Variants in PTPRD observed in about 807,000 individuals in gnomAD.
PTPRD encodes receptor-type tyrosine-protein phosphatase delta.
A neutral mutation model predicts 214.5 loss-of-function variants in PTPRD; 34 were observed. The observed-to-expected ratio is 0.16, with a 90% confidence interval of 0.12 to 0.21. The LOEUF (loss-of-function observed/expected upper bound fraction) is 0.21. Ranked by LOEUF, PTPRD falls within the 10% of genes least tolerant of loss-of-function variation. PTPRD has a pLI of 1.00. For synonymous variants in PTPRD, 1,128 were observed against 845.7 expected, an observed-to-expected ratio of 1.33 and a Z score of -5.79; for missense variants, 2,545 against 2,398.7, an observed-to-expected ratio of 1.06 and a Z score of -1.27.
chr9:9,863,397 T>C (rs1038456570), intron 5 of PTPRD, among the ~76,000 whole-genome samples: 1 of 152,218 alleles, frequency 6.6e-6, no homozygotes, highest in African/African-American at 2.4e-5. Flanking sequence ...AAATCAAGAA[T>C]GTAAGAGTGA....
intron 7 of PTPRD, among the ~76,000 whole-genome samples, chr9:9,613,299 A>T (rs2094641709): frequency 6.6e-6 from 1 of 151,940 alleles, no homozygotes; most frequent in Non-Finnish European, 1.5e-5. Flanking sequence ...GATAAATCTA[A>T]AAAACGTCAT....
At chr9:8,908,980 T>C (rs1007356767) in intron 11 of PTPRD, among the ~76,000 whole-genome samples, 21 of 150,200 alleles carry the variant, frequency 1.4e-4, no homozygotes, top group Admixed American at 1.3e-3. Context: ...TATAATTACA[T>C]ATGATATAAA....
chr9:9,655,748 C>T (rs2096495252), intron 7 of PTPRD, among the ~76,000 whole-genome samples: 1 of 149,972 alleles, frequency 6.7e-6, no homozygotes, highest in East Asian at 2.0e-4. Context: ...GAGGCAGAGG[C>T]GGGCAGATCA....
intron 2 of PTPRD, among the ~76,000 whole-genome samples, chr9:10,432,067 A>T (rs2098685206): frequency 6.6e-6 from 1 of 152,074 alleles, no homozygotes. Context: ...TGGATTAAGA[A>T]AATGTGGCAC....
At chr9:9,298,417 C>T (rs1953955953) in intron 9 of PTPRD, among the ~76,000 whole-genome samples, 2 of 151,706 alleles carry the variant, frequency 1.3e-5, no homozygotes, top group South Asian at 4.2e-4. Flanking sequence ...TTTAATTTCT[C>T]CTGTGAATTT....
At chr9:9,315,989 T>A (rs1962777362) in intron 9 of PTPRD, among the ~76,000 whole-genome samples, 1 of 151,910 alleles carries the variant, frequency 6.6e-6, no homozygotes, top group South Asian at 2.1e-4. Context: ...GATGTCCACA[T>A]AAACAAAATA....
chr9:10,195,360 G>C (rs1050442494), intron 3 of PTPRD, among the ~76,000 whole-genome samples: 2 of 151,998 alleles, frequency 1.3e-5, no homozygotes, highest in Non-Finnish European at 2.9e-5. Flanking sequence ...TGTTTTGTTA[G>C]AGACCCCAAT....
At position 9,268,222 on chromosome 9, in the gene PTPRD, G is replaced by A. The variant is rs1183874757; in HGVS notation, c.-202-84859C>T. ...AGCTTTGTTTCTGTATACTAAGAAT[G>A]AACTCTTAAGAAAAGAAATTAAGAA... On this transcript the variant is annotated intron_variant, in intron 9 of 45. Transcript: ENST00000381196. 6.6e-5 allele frequency among the ~76,000 whole-genome samples: 10 copies of A among 151,078 alleles called. No individual in the cohort carries two copies. The East Asian group carries it at 2.0e-3, about 30-fold the overall frequency.
intron 3 of PTPRD, among the ~76,000 whole-genome samples, chr9:10,176,908 T>C (rs1204780993): frequency 6.6e-6 from 1 of 152,006 alleles, no homozygotes; most frequent in Non-Finnish European, 1.5e-5. Context: ...CTGAAGCACA[T>C]TCTTATAAAA....
chr9:9,979,548 T>C (rs888342858), intron 4 of PTPRD, among the ~76,000 whole-genome samples: 3 of 152,086 alleles, frequency 2.0e-5, no homozygotes, highest in East Asian at 3.8e-4. Context: ...CAGTGATATA[T>C]ACAATTTAAA....
intron 7 of PTPRD, among the ~76,000 whole-genome samples, chr9:9,623,854 C>T (rs550962164): frequency 6.6e-6 from 1 of 152,278 alleles, no homozygotes; most frequent in South Asian, 2.1e-4. Context: ...TACAACTATT[C>T]TACAATATTT....
intron 3 of PTPRD, among the ~76,000 whole-genome samples, chr9:10,072,346 T>C (rs567927674): frequency 3.3e-5 from 5 of 152,148 alleles, no homozygotes; most frequent in East Asian, 1.9e-4. Context: ...AGTGAGTATA[T>C]AGTGTGTCCA....
At chr9:8,766,052 C>T (rs2094713668) in intron 11 of PTPRD, among the ~76,000 whole-genome samples, 1 of 151,958 alleles carries the variant, frequency 6.6e-6, no homozygotes. Flanking sequence ...CTTTAAGGCC[C>T]TCTTGGTGGA....
At chr9:9,891,927 T>C (rs2073468903) in intron 5 of PTPRD, among the ~76,000 whole-genome samples, 1 of 152,108 alleles carries the variant, frequency 6.6e-6, no homozygotes, top group South Asian at 2.1e-4. Context: ...CTAAAAGACA[T>C]CCCACATATT....
chr9:9,742,362 G>A (rs1229212163), intron 6 of PTPRD, among the ~76,000 whole-genome samples: 1 of 152,032 alleles, frequency 6.6e-6, no homozygotes, highest in Non-Finnish European at 1.5e-5. Flanking sequence ...AAAGAAATGT[G>A]ACCTTCACTT....
chr9:9,320,624 C>T (rs1966005619), intron 9 of PTPRD, among the ~76,000 whole-genome samples: 1 of 152,144 alleles, frequency 6.6e-6, no homozygotes, highest in African/African-American at 2.4e-5. Context: ...TGATCTCACA[C>T]TGCCTGGATT....
chr9:9,964,747 G>A (rs528296572), intron 4 of PTPRD, among the ~76,000 whole-genome samples: 2 of 152,076 alleles, frequency 1.3e-5, no homozygotes, highest in Admixed American at 1.3e-4. Context: ...TATCTCCATT[G>A]CTTATAACTT....
chr9:9,845,059 AATATAT>A (rs34254711), intron 5 of PTPRD, among the ~76,000 whole-genome samples: 1 of 96,724 alleles, frequency 1.0e-5, no homozygotes, highest in Admixed American at 1.2e-4. Flanking sequence ...TATATAGAGC[AATATAT>A]ATATATATAT....
chr9:10,118,524 G>A (rs904451921), intron 3 of PTPRD, among the ~76,000 whole-genome samples: 6 of 151,546 alleles, frequency 4.0e-5, no homozygotes, highest in African/African-American at 1.5e-4. Context: ...AATATTATAG[G>A]CTATCGTTAT....
Sources: gnomAD v4.1 joint callset for allele counts (sites outside exome capture counted in the v4.1 genomes callset) on GRCh38, gnomAD v4.1.1 for gene constraint, MANE v1.5 for transcripts, NCBI Gene and HGNC (gene_info 2026-07-23, HGNC 2026-07-21) for gene names.